The following SETD7 variants were observed in gnomAD, a reference collection of about 807,000 sequenced individuals.
The protein encoded by SETD7 is SET domain containing 7, histone lysine methyltransferase, also known as histone-lysine N-methyltransferase SETD7.
In SETD7, 16 loss-of-function variants were observed where a neutral mutation model predicts 41.8. That is an observed-to-expected ratio of 0.38 (90% CI 0.26 to 0.58). The LOEUF is 0.58. Among genes scored for constraint, SETD7 ranks in the 20% least tolerant of loss-of-function variants. The probability of loss-of-function intolerance (pLI) is 0.64; values close to 1 mark genes in which losing one functional copy is unlikely to be tolerated. For missense variants in SETD7, 346 were observed against 459.7 expected (o/e 0.75, Z 2.26); for synonymous variants, 163 against 169.7 (o/e 0.96, Z 0.31).
Position 139,555,980 on chromosome 4 carries a change from C to T in SETD7, c.40+118G>A. 1.0e-6 allele frequency: 1 copy of T among 962,226 alleles called. No homozygotes were observed. 59.6% of individuals were successfully genotyped at this position (962,226 alleles called of 1,614,324 possible). On this transcript the variant is annotated intron_variant, in intron 1 of 7. Transcript: ENST00000274031. The surrounding 1 kb of genome is among the most constrained non-coding windows in gnomAD (Gnocchi z 4.0). ...CCGCCCGAGCCGGGCAACCGGCCAC[C>T]CGTGTAGGGGACAGTGGCGGCCGCG...
chr4:139,547,965 C>T (rs1437003098), intron 1 of SETD7: 3 of 152,190 alleles, frequency 2.0e-5, no homozygotes, highest in Admixed American at 6.5e-5. Flanking sequence ...CATTTACAGT[C>T]AATGTTTATG....
chr4:139,494,007 C>A (rs1024617284), downstream of SETD7, among the ~76,000 whole-genome samples: 1 of 152,178 alleles, frequency 6.6e-6, no homozygotes, highest in African/African-American at 2.4e-5. Flanking sequence ...AAAACTGAAT[C>A]TGGTGGCCAG....
chr4:139,513,932 C>T (rs566682163), intron 7 of SETD7, among the ~76,000 whole-genome samples: 18 of 152,330 alleles, frequency 1.2e-4, no homozygotes, highest in Non-Finnish European at 2.2e-4. Context: ...CAAAGAGATG[C>T]GTGGACTGTG....
In SETD7 at chr4:139,509,983, G is replaced by T. The variant is rs1213103321; in HGVS notation, c.*1680C>A. 7 of 703,624 alleles carry T rather than the reference G, an allele frequency of 9.9e-6. No homozygotes were observed. Among genetic ancestry groups the T allele is most frequent in the African/African-American group, 1.9e-5 (1 of 51,654 alleles). The allele number at this position is 703,624 out of a possible 1,614,324, so 43.6% of individuals were successfully genotyped here. On this transcript the variant is annotated 3_prime_UTR_variant, in exon 8 of 8. Transcript: ENST00000274031. ...GCCTGGTGTTGCAAAGAAGGGAAGG[G>T]CAACTCTGTCAATGTGCCCAAGGGC...
At chr4:139,532,972 G>A (rs1276617226) in intron 3 of SETD7, 193 bp downstream of exon 3, 34 of 589,202 alleles carry the variant, frequency 5.8e-5, no homozygotes, top group South Asian at 5.2e-4. Flanking sequence ...AATTAATAAC[G>A]GATTCAAGGG....
chr4:139,529,286 A>G, intron 3 of SETD7, 66 bp from the exon 4 acceptor site: 2 of 1,363,740 alleles, frequency 1.5e-6, no homozygotes, highest in Non-Finnish European at 2.0e-6. Context: ...AGTCCCAAGA[A>G]ATTTCTCTTC....
At chr4:139,548,387 T>C (rs1728018753) in intron 1 of SETD7, among the ~76,000 whole-genome samples, 1 of 152,276 alleles carries the variant, frequency 6.6e-6, no homozygotes, top group African/African-American at 2.4e-5. Flanking sequence ...TCCCAGCACT[T>C]TGGGAGGCTG....
At chr4:139,503,570 C>T (rs141356018), downstream of SETD7, among the ~76,000 whole-genome samples, 53 of 152,228 alleles carry the variant, frequency 3.5e-4, no homozygotes, top group African/African-American at 1.3e-3. Context: ...CTTAAAACGG[C>T]CTGATAAAAC....
chr4:139,501,740 T>C (rs1257293544), downstream of SETD7, among the ~76,000 whole-genome samples: 1 of 152,198 alleles, frequency 6.6e-6, no homozygotes, highest in Non-Finnish European at 1.5e-5. Flanking sequence ...GCCTGTCATC[T>C]AAGGGAGAGG....
rs753865662 is a variant in SETD7, at chr4:139,547,058, AG to A, written c.41-10del. 1.2e-5 allele frequency: 20 copies of A among 1,613,786 alleles called. No homozygotes were observed. In the East Asian group the frequency reaches 3.1e-4, roughly 25 times the overall value. On this transcript the variant is annotated splice_polypyrimidine_tract_variant and intron_variant, in intron 1 of 7. Transcript: ENST00000274031. ...GTCATCGTCCAGGTGCCCTGGAGAA[AG>A]GGAACCACAAGGCAAACCTTAACAT...
chr4:139,536,308 G>A (rs867087308), intron 2 of SETD7, among the ~76,000 whole-genome samples: 2 of 151,952 alleles, frequency 1.3e-5, no homozygotes, highest in African/African-American at 2.4e-5. Flanking sequence ...AAGGCCAGCC[G>A]GGGGAAAAAA....
At position 139,547,064 on chromosome 4, in the gene SETD7, C is replaced by T. The variant is rs1414273593; in HGVS notation, c.41-15G>A. On this transcript the variant is annotated splice_polypyrimidine_tract_variant and intron_variant, in intron 1 of 7. Coordinates refer to ENST00000274031, the MANE Select transcript of SETD7 (RefSeq NM_030648.4). ...GTCCAGGTGCCCTGGAGAAAGGGAA[C>T]CACAAGGCAAACCTTAACATCTTCA... 1 of 1,613,610 alleles carries T rather than the reference C, an allele frequency of 6.2e-7. No individual in the cohort carries two copies. Among genetic ancestry groups the T allele is most frequent in the Admixed American group, 1.7e-5 (1 of 59,860 alleles).
Position 139,517,877 on chromosome 4 carries a change from ATACT to A in SETD7, c.920+4_920+7del. ...AGATCCGCCCCAGCAGCTCTGGGTAATACTTACATATCGTAGATGCAGTTTGGAG... is the reference window on the plus strand; with the variant it reads ...AGATCCGCCCCAGCAGCTCTGGGTAATACATATCGTAGATGCAGTTTGGAG... On this transcript the variant is annotated splice_donor_5th_base_variant and intron_variant, in intron 7 of 7. Transcript: ENST00000274031. 1.2e-6 allele frequency: 2 copies of A among 1,611,950 alleles called. No individual in the cohort carries two copies. The highest frequency in any genetic ancestry group is 1.7e-6 in the Non-Finnish European group (2 of 1,178,860).
intron 4 of SETD7, among the ~76,000 whole-genome samples, chr4:139,524,440 C>T (rs1021673427): frequency 3.3e-5 from 5 of 152,214 alleles, no homozygotes; most frequent in African/African-American, 1.2e-4. Flanking sequence ...CAGGAAGCTG[C>T]CACTGGAGGC....
At chr4:139,519,311 C>T (rs1579206135) in intron 6 of SETD7, among the ~76,000 whole-genome samples, 1 of 152,358 alleles carries the variant, frequency 6.6e-6, no homozygotes, top group East Asian at 1.9e-4. Flanking sequence ...AGTTTGAAAT[C>T]CTACTTGAAC....
Position 139,555,301 on chromosome 4 carries a change from A to G in SETD7, c.40+797T>C, listed in dbSNP as rs1728226439. Among the ~76,000 whole-genome samples the G allele has an allele frequency of 6.6e-6, 1 of 151,650 alleles. No homozygotes were observed. Among genetic ancestry groups the G allele is most frequent in the South Asian group, 2.1e-4 (1 of 4,790 alleles). The stretch of plus-strand genomic sequence containing the variant: ...CGACACTGAGGCGGTGATATCACCC[A>G]CAGCCAACGGCATGGAATTCAGAAA... On this transcript the variant is annotated intron_variant, in intron 1 of 7. Transcript: ENST00000274031. The surrounding 1 kb of genome is among the most constrained non-coding windows in gnomAD (Gnocchi z 4.0).
Position 139,555,915 on chromosome 4 carries a change from A to C in SETD7, c.40+183T>G, listed in dbSNP as rs1260587429. Among the ~76,000 whole-genome samples, 1 of 151,864 alleles carries C rather than the reference A, an allele frequency of 6.6e-6. No individual in the cohort carries two copies. Among genetic ancestry groups the C allele is most frequent in the Non-Finnish European group, 1.5e-5 (1 of 67,916 alleles). On this transcript the variant is annotated intron_variant, in intron 1 of 7. Transcript: ENST00000274031. This position sits in a 1 kb window ranked among gnomAD's most constrained non-coding sequence, Gnocchi z 4.0. ...ATTCTCGGCCTGCGCCCCGCCGCGC[A>C]GTGCGCGCTCCCGGCGGCGTGACCG...
intron 1 of SETD7, among the ~76,000 whole-genome samples, chr4:139,547,515 A>G (rs546600102): frequency 6.6e-6 from 1 of 152,340 alleles, no homozygotes; most frequent in Non-Finnish European, 1.5e-5. Flanking sequence ...GGAATAAATT[A>G]TCTAATTCTA....
At chr4:139,541,835 T>C (rs974825994) in intron 2 of SETD7, among the ~76,000 whole-genome samples, 1 of 152,196 alleles carries the variant, frequency 6.6e-6, no homozygotes, top group Non-Finnish European at 1.5e-5. Flanking sequence ...ACATTTTGAA[T>C]CTGAGACAGT....
Sources: allele counts gnomAD v4.1 joint callset (sites outside exome capture counted in the v4.1 genomes callset), GRCh38; gene constraint gnomAD v4.1.1; non-coding constraint Gnocchi (gnomAD v3.1); transcripts MANE v1.5; gene names NCBI Gene and HGNC (gene_info 2026-07-23, HGNC 2026-07-21).